Variants in MACROD2 observed in about 807,000 individuals in gnomAD.
MACROD2 encodes mono-ADP ribosylhydrolase 2, also known as ADP-ribose glycohydrolase MACROD2.
A neutral mutation model predicts 70.4 loss-of-function variants in MACROD2; 36 were observed. That is an observed-to-expected ratio of 0.51 (90% confidence interval 0.39 to 0.68). MACROD2 has a LOEUF of 0.68. MACROD2 is among the 30% of genes least tolerant of loss of function. The pLI is 0.00. For missense variants in MACROD2, 496 were observed against 538.4 expected (o/e 0.92, Z 0.78); for synonymous variants, 172 against 178.8 (o/e 0.96, Z 0.30).
At chr20:15,977,232 A>G (rs2066320193) in intron 13 of MACROD2, among the ~76,000 whole-genome samples, 1 of 152,238 alleles carries the variant, frequency 6.6e-6, no homozygotes, top group Non-Finnish European at 1.5e-5. Flanking sequence ...GTGATAGAGA[A>G]TGAAGCTCAC....
chr20:14,305,271 T>A (rs975236636), intron 3 of MACROD2, among the ~76,000 whole-genome samples: 19 of 152,192 alleles, frequency 1.2e-4, no homozygotes, highest in Non-Finnish European at 4.4e-5. Flanking sequence ...CTTATTTTTC[T>A]TCACAGAATG....
At chr20:14,535,440 G>T (rs1048721395) in intron 4 of MACROD2, among the ~76,000 whole-genome samples, 1 of 140,788 alleles carries the variant, frequency 7.1e-6, no homozygotes, top group Non-Finnish European at 1.5e-5. Flanking sequence ...AGGAGGCAGA[G>T]GTTGCAGTGA....
intron 6 of MACROD2, among the ~76,000 whole-genome samples, chr20:15,340,853 T>C (rs1024192570): frequency 3.3e-5 from 5 of 152,144 alleles, no homozygotes; most frequent in Non-Finnish European, 5.9e-5. Flanking sequence ...TATTTATTTA[T>C]ATATGGTAAA....
At chr20:15,234,009 ATTC>A (rs1468757151) in intron 6 of MACROD2, among the ~76,000 whole-genome samples, 51 of 39,934 alleles carry the variant, frequency 1.3e-3, no homozygotes, top group African/African-American at 2.4e-3. Flanking sequence ...ATATATATAT[ATTC>A]TTTTTTTTTT....
chr20:14,070,056 T>A (rs1195175285), intron 2 of MACROD2, among the ~76,000 whole-genome samples: 3 of 152,050 alleles, frequency 2.0e-5, no homozygotes, highest in Non-Finnish European at 4.4e-5. Context: ...ACCAGCTGAC[T>A]GTAGAACTGC....
At chr20:15,809,668 A>G (rs2147084482) in intron 8 of MACROD2, among the ~76,000 whole-genome samples, 1 of 152,184 alleles carries the variant, frequency 6.6e-6, no homozygotes, top group African/African-American at 2.4e-5. Context: ...TGCCCCTCTG[A>G]CCCAAACACC....
intron 6 of MACROD2, among the ~76,000 whole-genome samples, chr20:15,354,979 G>A (rs1474383918): frequency 6.6e-6 from 1 of 152,140 alleles, no homozygotes; most frequent in African/African-American, 2.4e-5. Flanking sequence ...ACACTAACAG[G>A]TGACACTAAT....
intron 5 of MACROD2, among the ~76,000 whole-genome samples, chr20:15,137,181 C>A (rs1601123813): frequency 6.7e-6 from 1 of 149,132 alleles, no homozygotes; most frequent in East Asian, 2.0e-4. Flanking sequence ...ACTAGAAATA[C>A]CATTTGACCC....
In MACROD2 at chr20:13,995,650, CTT is replaced by C. The variant is rs1469391695; in HGVS notation, c.-112_-111del. On this transcript the variant is annotated 5_prime_UTR_variant, in exon 1 of 18. Transcript: ENST00000684519. This position sits in a 1 kb window ranked among gnomAD's most constrained non-coding sequence, Gnocchi z 4.3. ...GCGAGCAGCGCAGGACGCAGAGCCT[CTT>C]TCACTTTTTCCCTGCTGAGTGCCCC... 2 of 930,334 alleles carry C rather than the reference CTT, an allele frequency of 2.1e-6. No homozygotes were observed. The highest frequency in any genetic ancestry group is 3.2e-5 in the African/African-American group (2 of 61,974). 57.6% of individuals were successfully genotyped at this position (930,334 alleles called of 1,614,324 possible).
chr20:14,653,190 A>G (rs1913955009), intron 4 of MACROD2, among the ~76,000 whole-genome samples: 2 of 147,250 alleles, frequency 1.4e-5, no homozygotes, highest in Non-Finnish European at 3.0e-5. Flanking sequence ...AGCTGGGACT[A>G]TAGGCATTCA....
intron 3 of MACROD2, among the ~76,000 whole-genome samples, chr20:14,389,982 C>T (rs2083509861): frequency 6.6e-6 from 1 of 152,182 alleles, no homozygotes; most frequent in Admixed American, 6.5e-5. Flanking sequence ...ACAACATGAT[C>T]TTCTATCTCA....
At chr20:14,448,399 A>G (rs1466391048) in intron 3 of MACROD2, among the ~76,000 whole-genome samples, 1 of 151,932 alleles carries the variant, frequency 6.6e-6, no homozygotes. Flanking sequence ...CAGTGGGGCC[A>G]GGCGCGGTGA....
intron 7 of MACROD2, among the ~76,000 whole-genome samples, chr20:15,461,069 A>G (rs1327698861): frequency 6.9e-6 from 1 of 144,442 alleles, no homozygotes; most frequent in Non-Finnish European, 1.5e-5. Flanking sequence ...AGCTATGAGC[A>G]TGACCATAGT....
At chr20:15,496,914 C>A (rs140991808) in intron 7 of MACROD2, among the ~76,000 whole-genome samples, 3 of 152,032 alleles carry the variant, frequency 2.0e-5, no homozygotes, top group Non-Finnish European at 4.4e-5. Flanking sequence ...GGAAGGAAGA[C>A]CAAAGGAGCA....
intron 5 of MACROD2, among the ~76,000 whole-genome samples, chr20:15,216,149 T>A (rs2076808178): frequency 6.6e-6 from 1 of 152,066 alleles, no homozygotes; most frequent in African/African-American, 2.4e-5. Flanking sequence ...ACAAAGGAAC[T>A]ATAGTCAATA....
intron 8 of MACROD2, among the ~76,000 whole-genome samples, chr20:15,605,181 G>C (rs547976941): frequency 1.3e-5 from 2 of 152,080 alleles, no homozygotes; most frequent in Middle Eastern, 3.4e-3. Flanking sequence ...CTACCTACAA[G>C]GCAACTTATG....
chr20:14,583,208 G>T (rs1295897065), intron 4 of MACROD2, among the ~76,000 whole-genome samples: 1 of 152,164 alleles, frequency 6.6e-6, no homozygotes, highest in Non-Finnish European at 1.5e-5. Context: ...TCCAGCATGA[G>T]CATGTCTTTT....
chr20:15,685,933 T>C (rs1241856456), intron 8 of MACROD2, among the ~76,000 whole-genome samples: 3 of 152,216 alleles, frequency 2.0e-5, no homozygotes, highest in Non-Finnish European at 2.9e-5. Flanking sequence ...GGCTCTTCCA[T>C]GGCAGAGTAT....
Position 14,638,029 on chromosome 20 carries a change from G to GT in MACROD2, c.302-46805dup, listed in dbSNP as rs200457672. Among the ~76,000 whole-genome samples, 529 of 150,286 alleles carry GT rather than the reference G, an allele frequency of 3.5e-3. 1 individual carries two copies. The highest frequency in any genetic ancestry group is 8.3e-3 in the African/African-American group (341 of 40,984). On this transcript the variant is annotated intron_variant, in intron 4 of 17. Transcript: ENST00000684519. The stretch of plus-strand genomic sequence containing the variant: ...AATTATGATTTTTTTTTCTTTCTGG[G>GT]TTTTTTTTTCTGTAGTAAAAGGCAG...
Sources: gnomAD v4.1 joint callset for allele counts (sites outside exome capture counted in the v4.1 genomes callset) on GRCh38, gnomAD v4.1.1 for gene constraint, Gnocchi (gnomAD v3.1) non-coding constraint, MANE v1.5 for transcripts, NCBI Gene and HGNC (gene_info 2026-07-23, HGNC 2026-07-21) for gene names.